Variants in PTPRM observed in about 807,000 individuals in gnomAD.
PTPRM encodes the protein protein tyrosine phosphatase receptor type M.
In PTPRM, 47 loss-of-function variants were observed where a neutral mutation model predicts 186.7. That is an observed-to-expected ratio of 0.25 (90% CI 0.20 to 0.32). PTPRM has a LOEUF of 0.32. PTPRM is among the 10% of genes least tolerant of loss of function. PTPRM has a pLI of 1.00. For missense variants in PTPRM, 1,494 were observed against 1,865.0 expected (o/e 0.80, Z 3.66); for synonymous variants, 668 against 674.9 (o/e 0.99, Z 0.16).
At chr18:8,318,530 C>G (rs1019441609) in intron 21 of PTPRM, among the ~76,000 whole-genome samples, 2 of 151,980 alleles carry the variant, frequency 1.3e-5, no homozygotes, top group Non-Finnish European at 2.9e-5. Flanking sequence ...CTCCTAAGCT[C>G]AAGCAGTCTG....
Position 8,331,934 on chromosome 18 carries a change from C to T in PTPRM, c.2957-11489C>T, listed in dbSNP as rs138821572. 3.3e-3 allele frequency among the ~76,000 whole-genome samples: 502 copies of T among 152,322 alleles called. 2 individuals are homozygous for T. The highest frequency in any genetic ancestry group is 0.011 in the African/African-American group (476 of 41,562). On this transcript the variant is annotated intron_variant, in intron 22 of 32. Transcript: ENST00000580170. ...CACGTCTTGGTGTTCTGAAGGCTTCCCTGGTGCACACTTAAAGTCAGATGA... is the reference window on the plus strand; with the variant it reads ...CACGTCTTGGTGTTCTGAAGGCTTCTCTGGTGCACACTTAAAGTCAGATGA...
intron 2 of PTPRM, among the ~76,000 whole-genome samples, chr18:7,879,902 AAAGG>A (rs954611854): frequency 6.6e-6 from 1 of 152,198 alleles, no homozygotes; most frequent in African/African-American, 2.4e-5. Flanking sequence ...CTCGGTATTT[AAAGG>A]AAAGAGGTTT....
At chr18:7,901,516 G>A (rs781393874) in intron 3 of PTPRM, among the ~76,000 whole-genome samples, 3 of 152,058 alleles carry the variant, frequency 2.0e-5, no homozygotes, top group African/African-American at 7.2e-5. Flanking sequence ...ACAGGCGCCC[G>A]CCAACACGCC....
intron 19 of PTPRM, among the ~76,000 whole-genome samples, chr18:8,267,069 T>C (rs2094709765): frequency 6.6e-6 from 1 of 152,180 alleles, no homozygotes; most frequent in South Asian, 2.1e-4. Context: ...ATAATTGTAA[T>C]GTATTCAGTG....
intron 11 of PTPRM, among the ~76,000 whole-genome samples, chr18:8,108,729 G>C (rs2091631353): frequency 6.6e-6 from 1 of 152,138 alleles, no homozygotes; most frequent in South Asian, 2.1e-4. Flanking sequence ...GAAATGCCTA[G>C]CATAAATTAA....
At chr18:8,056,324 T>C (rs2087933461) in intron 7 of PTPRM, among the ~76,000 whole-genome samples, 1 of 152,192 alleles carries the variant, frequency 6.6e-6, no homozygotes, top group South Asian at 2.1e-4. Context: ...AAATAAATGA[T>C]GCAACTCATA....
At chr18:8,165,069 T>C (rs1369888800) in intron 14 of PTPRM, among the ~76,000 whole-genome samples, 3 of 150,252 alleles carry the variant, frequency 2.0e-5, no homozygotes, top group African/African-American at 7.4e-5. Context: ...CTCGGGAGGC[T>C]GAGGCAGGAG....
intron 1 of PTPRM, among the ~76,000 whole-genome samples, chr18:7,576,740 G>C (rs2036697971): frequency 6.6e-6 from 1 of 152,124 alleles, no homozygotes; most frequent in Admixed American, 6.5e-5. Flanking sequence ...CAAAGTGCTG[G>C]GTTTACAGAT....
chr18:7,961,083 C>T (rs911601941), intron 7 of PTPRM, among the ~76,000 whole-genome samples: 6 of 152,064 alleles, frequency 3.9e-5, no homozygotes, highest in Admixed American at 1.3e-4. Context: ...ATAATCACAT[C>T]GGGGTAAATG....
chr18:7,826,941 AAAAT>A (rs758970202), intron 2 of PTPRM, among the ~76,000 whole-genome samples: 2 of 152,108 alleles, frequency 1.3e-5, no homozygotes, highest in African/African-American at 2.4e-5. Flanking sequence ...AGAAATTAAA[AAAAT>A]AAATAAATAA....
intron 11 of PTPRM, among the ~76,000 whole-genome samples, chr18:8,097,993 T>C (rs1298977295): frequency 1.3e-5 from 2 of 152,314 alleles, no homozygotes; most frequent in Admixed American, 1.3e-4. Flanking sequence ...AGCTTTAGGT[T>C]TACAGATACT....
intron 5 of PTPRM, among the ~76,000 whole-genome samples, chr18:7,936,495 G>A (rs1213655143): frequency 6.6e-6 from 1 of 152,174 alleles, no homozygotes; most frequent in African/African-American, 2.4e-5. Context: ...TTACATGCCA[G>A]CCCCCTGCCG....
Position 7,888,389 on chromosome 18 carries a change from C to CT in PTPRM, c.468+17dup, listed in dbSNP as rs1271149659. On this transcript the variant is annotated intron_variant, in intron 3 of 32. Transcript: ENST00000580170. ...CTAACTTTTATCAGGTATGTGCTTT[C>CT]TTTTTATTACATATTTTGAAGCATC... The CT allele has an allele frequency of 6.4e-7, 1 of 1,552,428 alleles. No individual in the cohort carries two copies. The highest frequency in any genetic ancestry group is 8.7e-7 in the Non-Finnish European group (1 of 1,153,278).
chr18:7,679,573 G>A (rs946314461), intron 1 of PTPRM, among the ~76,000 whole-genome samples: 47 of 152,186 alleles, frequency 3.1e-4, no homozygotes, highest in Admixed American at 2.2e-3. Context: ...GCCGAGGCAC[G>A]AGAATCACTT....
chr18:7,662,382 A>G (rs1430447906), intron 1 of PTPRM, among the ~76,000 whole-genome samples: 1 of 152,248 alleles, frequency 6.6e-6, no homozygotes, highest in Non-Finnish European at 1.5e-5. Context: ...GTTCAGCCAT[A>G]AAAAAGAATG....
At chr18:8,071,144 T>C (rs979878567) in intron 8 of PTPRM, among the ~76,000 whole-genome samples, 1 of 152,114 alleles carries the variant, frequency 6.6e-6, no homozygotes, top group African/African-American at 2.4e-5. Context: ...GAGTCTAAGT[T>C]TGATGGAAGC....
At chr18:8,398,010 C>T (rs138081365) in intron 32 of PTPRM, among the ~76,000 whole-genome samples, 211 of 152,288 alleles carry the variant, frequency 1.4e-3, no homozygotes, top group African/African-American at 4.7e-3. Flanking sequence ...GGTAATTACA[C>T]ACTTTAATAT....
At chr18:7,663,285 C>T (rs909652229) in intron 1 of PTPRM, among the ~76,000 whole-genome samples, 12 of 151,364 alleles carry the variant, frequency 7.9e-5, no homozygotes, top group Non-Finnish European at 1.5e-4. Context: ...AAAAACTTAA[C>T]TCTACTGGTG....
chr18:8,244,669 ATAAAT>A (rs1418216668), intron 15 of PTPRM, among the ~76,000 whole-genome samples: 2 of 152,222 alleles, frequency 1.3e-5, no homozygotes, highest in Non-Finnish European at 1.5e-5. Context: ...GTGTCAATTA[ATAAAT>A]TAAACTCTAT....
Sources: gnomAD v4.1 joint callset for allele counts (sites outside exome capture counted in the v4.1 genomes callset) on GRCh38, gnomAD v4.1.1 for gene constraint, MANE v1.5 for transcripts, NCBI Gene and HGNC (gene_info 2026-07-23, HGNC 2026-07-21) for gene names.